The following CUX1 variants were observed in gnomAD, a reference collection of about 807,000 sequenced individuals.
The protein encoded by CUX1 is protein CASP.
Under a neutral mutation model 158.8 loss-of-function variants are expected in CUX1, and 31 were observed. The ratio of observed to expected loss-of-function variants is 0.20; its 90% confidence interval spans 0.15 to 0.26. The LOEUF (loss-of-function observed/expected upper bound fraction) is 0.26, where lower values mean the gene tolerates loss of function less well. Among genes scored for constraint, CUX1 ranks in the 10% least tolerant of loss-of-function variants. CUX1 has a pLI of 1.00. For missense variants in CUX1, 1,589 were observed against 2,014.6 expected (o/e 0.79, Z 4.04); for synonymous variants, 879 against 862.1 (o/e 1.02, Z -0.34).
intron 1 of CUX1, among the ~76,000 whole-genome samples, chr7:101,871,696 A>G (rs565655286): frequency 3.2e-4 from 48 of 152,254 alleles, no homozygotes; most frequent in African/African-American, 1.1e-3. Context: ...TCACCTTGCC[A>G]GCGTCGCCTC....
intron 8 of CUX1, among the ~76,000 whole-genome samples, chr7:102,126,356 G>T (rs908347525): frequency 6.6e-6 from 1 of 152,044 alleles, no homozygotes; most frequent in Non-Finnish European, 1.5e-5. Flanking sequence ...TTATTTTTAA[G>T]TACAAAAGCC....
rs1484244800 is a variant in CUX1, at chr7:101,988,209, T to TC, written c.142-39888dup. 8.6e-5 allele frequency among the ~76,000 whole-genome samples: 11 copies of TC among 128,580 alleles called. No individual in the cohort carries two copies. The Admixed American group carries it at 8.6e-4, about 10-fold the overall frequency. The allele number at this position is 128,580 out of a possible 152,430, so 84.4% of individuals were successfully genotyped here. A position where few individuals can be genotyped will look rare whatever the true frequency, so the allele number is the denominator to read the frequency against. On this transcript the variant is annotated intron_variant, in intron 2 of 23. Transcript: ENST00000292535. ...CTGGGCAACAGAGCGAGAATCTGTT[T>TC]CAAAAAAAAAAAGAAGAAGAAGCTG...
intron 11 of CUX1, among the ~76,000 whole-genome samples, chr7:102,180,016 C>T (rs1342736815): frequency 2.0e-5 from 3 of 151,988 alleles, no homozygotes; most frequent in African/African-American, 7.2e-5. Flanking sequence ...TGTGTTTTGT[C>T]GTTGTTGTTG....
intron 1 of CUX1, among the ~76,000 whole-genome samples, chr7:101,826,355 C>T (rs1031216727): frequency 2.6e-5 from 4 of 151,888 alleles, no homozygotes; most frequent in Non-Finnish European, 5.9e-5. Context: ...TGCACCACCA[C>T]GCCTGGCTGA....
chr7:101,864,311 C>T (rs1797743587), intron 1 of CUX1, among the ~76,000 whole-genome samples: 1 of 151,914 alleles, frequency 6.6e-6, no homozygotes, highest in Non-Finnish European at 1.5e-5. Context: ...TAGGTGTGCA[C>T]CACCACACCC....
At chr7:102,111,403 T>C (rs1380480523) in intron 6 of CUX1, among the ~76,000 whole-genome samples, 3 of 152,230 alleles carry the variant, frequency 2.0e-5, no homozygotes, top group African/African-American at 7.2e-5. Context: ...TTTTTTTCTT[T>C]TTAAAATCTG....
intron 21 of CUX1, 79 bp downstream of exon 21, chr7:102,227,748 C>T: frequency 7.1e-7 from 1 of 1,416,196 alleles, no homozygotes; most frequent in Non-Finnish European, 9.7e-7. Context: ...GGGCCCTAGG[C>T]CAAGCCAACC....
At chr7:102,268,667 T>C (rs1790982363) in intron 14 of CUX1, among the ~76,000 whole-genome samples, 1 of 152,188 alleles carries the variant, frequency 6.6e-6, no homozygotes, top group Non-Finnish European at 1.5e-5. Context: ...CTTTGGCTCA[T>C]GGTTCTGCAG....
At chr7:101,969,863 A>G (rs918834724) in intron 2 of CUX1, among the ~76,000 whole-genome samples, 4 of 151,984 alleles carry the variant, frequency 2.6e-5, no homozygotes, top group African/African-American at 7.2e-5. Context: ...TGCAGTAATA[A>G]TTAAGTAACT....
chr7:102,134,678 G>A (rs1478129457), intron 8 of CUX1, among the ~76,000 whole-genome samples: 1 of 152,186 alleles, frequency 6.6e-6, no homozygotes, highest in Non-Finnish European at 1.5e-5. Context: ...ACTCACTGCA[G>A]CCCTGACCTC....
intron 22 of CUX1, among the ~76,000 whole-genome samples, chr7:102,235,766 C>T (rs1799492661): frequency 7.0e-6 from 1 of 142,242 alleles, no homozygotes; most frequent in Non-Finnish European, 1.5e-5. Flanking sequence ...GCCCACCCCA[C>T]CCCCGTCCCC....
chr7:102,121,872 G>A (rs527854303), intron 8 of CUX1, among the ~76,000 whole-genome samples: 130 of 152,248 alleles, frequency 8.5e-4, no homozygotes, highest in Non-Finnish European at 1.3e-3. Flanking sequence ...TCTGGTGCCA[G>A]CTTTGTAATC....
intron 20 of CUX1, among the ~76,000 whole-genome samples, chr7:102,216,604 A>ACACCCTCCCACACACACACT (rs1554524720): frequency 1.5e-5 from 1 of 64,852 alleles, no homozygotes; most frequent in African/African-American, 6.1e-5. Flanking sequence ...ACTCCCACAC[A>ACACCCTCCCACACACACACT]CACACACACA....
intron 19 of CUX1, chr7:102,280,226 G>T: frequency 1.4e-6 from 1 of 708,894 alleles, no homozygotes; most frequent in Non-Finnish European, 2.4e-6. Context: ...GGCCTTCCCT[G>T]GCTCCCCTCC....
intron 3 of CUX1, among the ~76,000 whole-genome samples, chr7:102,054,053 C>G (rs1366704005): frequency 6.6e-6 from 1 of 152,172 alleles, no homozygotes; most frequent in African/African-American, 2.4e-5. Context: ...GGTGATCCAC[C>G]TGCCTCAGCC....
At chr7:102,212,432 G>T (rs985013352) in intron 20 of CUX1, among the ~76,000 whole-genome samples, 2 of 152,190 alleles carry the variant, frequency 1.3e-5, no homozygotes, top group Non-Finnish European at 2.9e-5. Flanking sequence ...GCCCCCCAAA[G>T]TCTCTGTTCC....
At chr7:102,082,185 G>A (rs188953509) in intron 4 of CUX1, among the ~76,000 whole-genome samples, 3 of 147,022 alleles carry the variant, frequency 2.0e-5, no homozygotes, top group Non-Finnish European at 3.1e-5. Flanking sequence ...ACGGGTCTAC[G>A]TCAGTGGTCT....
rs1186508552 is a variant in CUX1 at position 102,251,016 on chromosome 7, ATTGT to A, written c.*1976_*1979del. On this transcript the variant is annotated 3_prime_UTR_variant, in exon 24 of 24. Coordinates refer to ENST00000292535, the MANE Select transcript of CUX1 (RefSeq NM_181552.4). Reference sequence around the variant, plus strand: ...TATAGGTGCTGTATTTTATTATCTGATTGTTAGGAAGGGATGAAAGGGGCAAATA... The same window carrying A: ...TATAGGTGCTGTATTTTATTATCTGATAGGAAGGGATGAAAGGGGCAAATA... 2 of 974,112 alleles carry A rather than the reference ATTGT, an allele frequency of 2.1e-6. No individual in the cohort carries two copies. The highest frequency in any genetic ancestry group is 1.8e-5 in the African/African-American group (1 of 56,748). 60.3% of individuals were successfully genotyped at this position (974,112 alleles called of 1,614,324 possible). A position where few individuals can be genotyped will look rare whatever the true frequency, so the allele number is the denominator to read the frequency against.
chr7:101,831,402 T>C (rs1793992199), intron 1 of CUX1, among the ~76,000 whole-genome samples: 1 of 152,098 alleles, frequency 6.6e-6, no homozygotes, highest in Non-Finnish European at 1.5e-5. Flanking sequence ...GTGATTCTCC[T>C]GTCTCAGCCT....
Sources: allele counts gnomAD v4.1 joint callset (sites outside exome capture counted in the v4.1 genomes callset), GRCh38; gene constraint gnomAD v4.1.1; transcripts MANE v1.5; gene names NCBI Gene and HGNC (gene_info 2026-07-23, HGNC 2026-07-21).